The following WWP2 variants were observed in gnomAD, a reference collection of about 807,000 sequenced individuals.
The protein encoded by WWP2 is NEDD4-like E3 ubiquitin-protein ligase WWP2.
WWP2 carries 57 observed loss-of-function variants against 121.0 expected under a neutral mutation model. That is an observed-to-expected ratio of 0.47 (90% CI 0.38 to 0.59). WWP2 has a LOEUF of 0.59. Among genes scored for constraint, WWP2 ranks in the 20% least tolerant of loss-of-function variants. The pLI is 0.00. For synonymous variants in WWP2, 449 were observed against 441.3 expected, an observed-to-expected ratio of 1.02 and a Z score of -0.22; for missense variants, 962 against 1,158.9, an observed-to-expected ratio of 0.83 and a Z score of 2.47.
In WWP2 at chr16:69,898,692, C is replaced by A. The variant is rs182760139; in HGVS notation, c.915-10069C>A. On this transcript the variant is annotated intron_variant, in intron 8 of 23. Transcript: ENST00000359154. ...ATATTTATTTTTAATCTGCAGGATT[C>A]TTTTTTGTTGTTGTTTTTGTTTGTT... is the stretch of plus-strand genomic sequence containing the variant. 4.6e-5 allele frequency among the ~76,000 whole-genome samples: 7 copies of A among 152,008 alleles called. No homozygotes were observed. The South Asian group carries it at 8.3e-4, about 18-fold the overall frequency.
At chr16:69,899,248 G>C (rs899127878) in intron 8 of WWP2, among the ~76,000 whole-genome samples, 1 of 152,036 alleles carries the variant, frequency 6.6e-6, no homozygotes, top group African/African-American at 2.4e-5. Context: ...GGTGGTTCTT[G>C]CCTGTAACTT....
intron 2 of WWP2, among the ~76,000 whole-genome samples, chr16:69,789,119 G>C (rs980545636): frequency 6.6e-6 from 1 of 152,080 alleles, no homozygotes; most frequent in African/African-American, 2.4e-5. Flanking sequence ...CTGCAGTGGC[G>C]CTGTCTCGGC....
chr16:69,826,957 G>GAA lies in WWP2; in HGVS notation c.341-13169_341-13168insAA, dbSNP rs1173925573. ...CCACCTCAAAAAAAAAAAAAAAAGG[G>GAA]GGGGGGGCGGAGAGAATAATGGACC... is the stretch of plus-strand genomic sequence containing the variant. On this transcript the variant is annotated intron_variant, in intron 4 of 23. Coordinates refer to ENST00000359154, the MANE Select transcript of WWP2 (RefSeq NM_001270454.2). Among the ~76,000 whole-genome samples, 12 of 78,612 alleles carry GAA rather than the reference G, an allele frequency of 1.5e-4. 2 individuals are homozygous for GAA. Among genetic ancestry groups the GAA allele is most frequent in the African/African-American group, 6.4e-4 (11 of 17,092 alleles). The allele number at this position is 78,612 out of a possible 152,430, so 51.6% of individuals were successfully genotyped here. A position where few individuals can be genotyped will look rare whatever the true frequency, so the allele number is the denominator to read the frequency against.
At chr16:69,780,843 A>C (rs1303976708) in intron 1 of WWP2, among the ~76,000 whole-genome samples, 2 of 152,162 alleles carry the variant, frequency 1.3e-5, no homozygotes, top group Non-Finnish European at 2.9e-5. Flanking sequence ...ATCTCTACAA[A>C]AAATAAATAC....
intron 2 of WWP2, among the ~76,000 whole-genome samples, chr16:69,795,062 C>T (rs1038495926): frequency 6.6e-6 from 1 of 151,972 alleles, no homozygotes; most frequent in African/African-American, 2.4e-5. Flanking sequence ...GGTGAAATCC[C>T]GTCTCTACAA....
rs573475508 is a variant in WWP2 at position 69,938,784 on chromosome 16, C to T, written c.2344-243C>T. ...AGAACGTGGATGGGAAGAGAATACC[C>T]AGCCTGAGGTGTCCCTGAGACCCAG... On this transcript the variant is annotated intron_variant, in intron 21 of 23. Transcript: ENST00000359154. Among the ~76,000 whole-genome samples the T allele has an allele frequency of 9.8e-5, 15 of 152,360 alleles. No individual in the cohort carries two copies. The East Asian group carries it at 2.7e-3, about 27-fold the overall frequency.
chr16:69,927,772 C>G (rs936190336), intron 11 of WWP2, among the ~76,000 whole-genome samples: 1 of 152,220 alleles, frequency 6.6e-6, no homozygotes, highest in African/African-American at 2.4e-5. Context: ...GGTGGTAGCT[C>G]TGTAACAGCT....
intron 9 of WWP2, chr16:69,910,248 T>C: frequency 1.0e-5 from 4 of 396,334 alleles, no homozygotes; most frequent in Non-Finnish European, 1.4e-5. Flanking sequence ...AACTCTAATA[T>C]CATTAACAGT....
chr16:69,912,256 C>A (rs1364284198), intron 9 of WWP2, among the ~76,000 whole-genome samples: 1 of 151,248 alleles, frequency 6.6e-6, no homozygotes, highest in East Asian at 1.9e-4. Flanking sequence ...ACCACTGCAC[C>A]ACTCTAGCCT....
chr16:69,864,167 A>G (rs2057476810), intron 6 of WWP2, among the ~76,000 whole-genome samples: 2 of 152,068 alleles, frequency 1.3e-5, no homozygotes, highest in Admixed American at 1.3e-4. Context: ...CAGGAGTTCG[A>G]TATCAGCCTG....
At chr16:69,853,820 G>A (rs994129951) in intron 6 of WWP2, among the ~76,000 whole-genome samples, 2 of 152,220 alleles carry the variant, frequency 1.3e-5, no homozygotes, top group Admixed American at 1.3e-4. Context: ...TTCCTCTACT[G>A]TGCTGTCATT....
At chr16:69,857,653 C>G (rs1193264560) in intron 6 of WWP2, among the ~76,000 whole-genome samples, 2 of 132,230 alleles carry the variant, frequency 1.5e-5, no homozygotes, top group Non-Finnish European at 3.1e-5. Context: ...TGAAGGTCAA[C>G]TCTTTTTTTT....
chr16:69,916,639 G>A (rs1411463414), intron 9 of WWP2, among the ~76,000 whole-genome samples: 2 of 152,176 alleles, frequency 1.3e-5, no homozygotes, highest in Non-Finnish European at 1.5e-5. Context: ...GATAGCAGCG[G>A]GAATGATGTT....
At chr16:69,938,491 C>T (rs1223692986) in intron 21 of WWP2, among the ~76,000 whole-genome samples, 1 of 152,164 alleles carries the variant, frequency 6.6e-6, no homozygotes, top group Non-Finnish European at 1.5e-5. Flanking sequence ...TGGTGGTGGA[C>T]ACCTGTAATC....
chr16:69,863,503 G>A (rs888206708), intron 6 of WWP2, among the ~76,000 whole-genome samples: 1 of 152,074 alleles, frequency 6.6e-6, no homozygotes, highest in Admixed American at 6.6e-5. Context: ...GCTGGGCGAG[G>A]TGGCAGGCGC....
chr16:69,912,934 AAAAAAAAAAAAAAAAAAAAAAATAT>A (rs2058408744), intron 9 of WWP2, among the ~76,000 whole-genome samples: 2 of 1,400 alleles, frequency 1.4e-3, no homozygotes, highest in African/African-American at 5.5e-3. Context: ...AAAAAAAAAA[AAAAAAAAAAAAAAAAAAAAAAATAT>A]ATATATATAT....
At chr16:69,853,385 C>T (rs1597057514) in intron 6 of WWP2, among the ~76,000 whole-genome samples, 3 of 152,176 alleles carry the variant, frequency 2.0e-5, no homozygotes, top group East Asian at 3.9e-4. Context: ...AGTGGGTGTG[C>T]AGGCGATGAG....
chr16:69,808,161 A>G (rs761152765), intron 4 of WWP2, among the ~76,000 whole-genome samples: 1 of 152,070 alleles, frequency 6.6e-6, no homozygotes, highest in African/African-American at 2.4e-5. Context: ...TTTGCCTAGT[A>G]TTGAATTTCA....
chr16:69,941,045 G>GC lies in WWP2; in HGVS notation c.*1108dup, dbSNP rs2152004905. The GC allele has an allele frequency of 6.5e-6, 1 of 152,920 alleles. No homozygotes were observed. Among genetic ancestry groups the GC allele is most frequent in the South Asian group, 2.1e-4 (1 of 4,822 alleles). The allele number at this position is 152,920 out of a possible 1,614,324, so 9.5% of individuals were successfully genotyped here. On this transcript the variant is annotated 3_prime_UTR_variant, in exon 24 of 24. Coordinates refer to ENST00000359154, the MANE Select transcript of WWP2 (RefSeq NM_001270454.2). ...GGTCCCCTGTTCAGAATGGAGTGCA[G>GC]CCCGCCAGCGGAAAGTGTTCATTCT...
Sources: gnomAD v4.1 joint callset for allele counts (sites outside exome capture counted in the v4.1 genomes callset) on GRCh38, gnomAD v4.1.1 for gene constraint, MANE v1.5 for transcripts, NCBI Gene and HGNC (gene_info 2026-07-23, HGNC 2026-07-21) for gene names.